The following PLXNA4 variants were observed in gnomAD, a reference collection of about 807,000 sequenced individuals.
PLXNA4 encodes plexin-A4.
Under a neutral mutation model 191.8 loss-of-function variants are expected in PLXNA4, and 44 were observed. That is an observed-to-expected ratio of 0.23 (90% CI 0.18 to 0.29). The LOEUF (loss-of-function observed/expected upper bound fraction) is 0.29. Ranked by LOEUF, PLXNA4 falls within the 10% of genes least tolerant of loss-of-function variation. The pLI is 1.00. For missense variants in PLXNA4, 1,800 were observed against 2,488.8 expected, an observed-to-expected ratio of 0.72 and a Z score of 5.89; for synonymous variants, 1,082 against 1,009.5, an observed-to-expected ratio of 1.07 and a Z score of -1.36.
At chr7:132,307,663 C>G (rs190413424) in intron 3 of PLXNA4, among the ~76,000 whole-genome samples, 25 of 152,214 alleles carry the variant, frequency 1.6e-4, no homozygotes, top group Admixed American at 7.2e-4. Flanking sequence ...TGCCCTGTTT[C>G]GCCAGCAGGG....
chr7:132,418,276 C>G (rs1231855715), intron 3 of PLXNA4, among the ~76,000 whole-genome samples: 6 of 152,216 alleles, frequency 3.9e-5, no homozygotes. Context: ...ATCCCTCCCC[C>G]AAGTTTCTCC....
chr7:132,365,367 G>A lies in PLXNA4; in HGVS notation c.1372-67145C>T, dbSNP rs60681661. Among the ~76,000 whole-genome samples, 322 of 151,918 alleles carry A rather than the reference G, an allele frequency of 2.1e-3. 1 individual carries two copies. The highest frequency in any genetic ancestry group is 7.5e-3 in the African/African-American group (310 of 41,414). ...TGTGTGTGTGTGTGTGTGTGCGTGC[G>A]CGCGCATGCATGGGGCAAGAGTGTG... On this transcript the variant is annotated intron_variant, in intron 3 of 31. Coordinates refer to ENST00000321063, the MANE Select transcript of PLXNA4 (RefSeq NM_020911.2).
At chr7:132,297,204 G>A (rs1801119253) in intron 4 of PLXNA4, among the ~76,000 whole-genome samples, 1 of 152,122 alleles carries the variant, frequency 6.6e-6, no homozygotes, top group Non-Finnish European at 1.5e-5. Context: ...GGCCGCTGCT[G>A]CCACTCAGAG....
chr7:132,147,279 T>C (rs1381592120), intron 27 of PLXNA4, among the ~76,000 whole-genome samples: 1 of 152,244 alleles, frequency 6.6e-6, no homozygotes, highest in African/African-American at 2.4e-5. Context: ...GCAGGCACTA[T>C]TCTCTGTATT....
intron 22 of PLXNA4, among the ~76,000 whole-genome samples, chr7:132,167,083 C>A (rs1212115337): frequency 6.6e-6 from 1 of 152,190 alleles, no homozygotes; most frequent in African/African-American, 2.4e-5. Context: ...GTGGTCTAGG[C>A]AGAGGGCTGG....
chr7:132,490,693 T>C (rs1246144684), intron 2 of PLXNA4, among the ~76,000 whole-genome samples: 4 of 152,136 alleles, frequency 2.6e-5, no homozygotes, highest in Admixed American at 6.5e-5. Context: ...CCCGAAGTGC[T>C]AGCATTACGG....
chr7:132,322,184 C>CTGTCTTTTTTTTTTTTTTT lies in PLXNA4; in HGVS notation c.1372-23963_1372-23962insAAAAAAAAAAAAAAAGACA, dbSNP rs376377991. ...CTAGAGTTCAATTTCCCTAAAAGGG[C>CTGTCTTTTTTTTTTTTTTT]TTTTTTTTTTTTTTTTTTAACAGAG... On this transcript the variant is annotated intron_variant, in intron 3 of 31. Transcript: ENST00000321063. 9.8e-4 allele frequency among the ~76,000 whole-genome samples: 120 copies of CTGTCTTTTTTTTTTTTTTT among 122,492 alleles called. 4 individuals are homozygous for CTGTCTTTTTTTTTTTTTTT. The highest frequency in any genetic ancestry group is 3.3e-3 in the African/African-American group (109 of 33,330). 80.4% of individuals were successfully genotyped at this position (122,492 alleles called of 152,430 possible). A position where few individuals can be genotyped will look rare whatever the true frequency, so the allele number is the denominator to read the frequency against.
rs896812726 is a variant in PLXNA4, at chr7:132,144,987, G to T, written c.5225+132C>A. The T allele has an allele frequency of 1.7e-5, 23 of 1,335,498 alleles. No individual in the cohort carries two copies. In the African/African-American group the frequency reaches 3.2e-4, roughly 19 times the overall value. The allele number at this position is 1,335,498 out of a possible 1,614,324, so 82.7% of individuals were successfully genotyped here. A position where few individuals can be genotyped will look rare whatever the true frequency, so the allele number is the denominator to read the frequency against. On this transcript the variant is annotated intron_variant, in intron 29 of 31. Coordinates refer to ENST00000321063, the MANE Select transcript of PLXNA4 (RefSeq NM_020911.2). ...ATGGGGAGGACCAGAGAATGTGCCTGCTCAGAGTCCCTGCTGATGAAAACA... is the reference window on the plus strand; with the variant it reads ...ATGGGGAGGACCAGAGAATGTGCCTTCTCAGAGTCCCTGCTGATGAAAACA...
At chr7:132,140,503 AAC>A in intron 30 of PLXNA4, 94 bp downstream of exon 30, 3 of 1,508,660 alleles carry the variant, frequency 2.0e-6, no homozygotes, top group Non-Finnish European at 2.7e-6. Flanking sequence ...CTCATCTGGA[AAC>A]ACAGCTGGTT....
intron 3 of PLXNA4, among the ~76,000 whole-genome samples, chr7:132,310,862 G>T (rs1801701780): frequency 6.6e-6 from 1 of 152,168 alleles, no homozygotes; most frequent in South Asian, 2.1e-4. Context: ...GTGTGAGAGA[G>T]GCTAAGAACA....
intron 31 of PLXNA4, among the ~76,000 whole-genome samples, chr7:132,131,653 GTTAT>G (rs1398136434): frequency 6.6e-6 from 1 of 152,248 alleles, no homozygotes; most frequent in African/African-American, 2.4e-5. Flanking sequence ...TCATAGATGG[GTTAT>G]TTAAACACCA....
chr7:132,604,417 C>A (rs1232172131), intron 2 of PLXNA4, among the ~76,000 whole-genome samples: 1 of 152,188 alleles, frequency 6.6e-6, no homozygotes, highest in Non-Finnish European at 1.5e-5. Context: ...GCTTCTAATT[C>A]ATCTCTGCCC....
At chr7:132,506,750 C>T (rs1798481196) in intron 2 of PLXNA4, among the ~76,000 whole-genome samples, 1 of 152,338 alleles carries the variant, frequency 6.6e-6, no homozygotes, top group South Asian at 2.1e-4. Context: ...GACCCCTAAG[C>T]CAACCCTTCT....
At chr7:132,157,163 G>A (rs948935363) in intron 25 of PLXNA4, among the ~76,000 whole-genome samples, 1 of 152,228 alleles carries the variant, frequency 6.6e-6, no homozygotes, top group African/African-American at 2.4e-5. Context: ...CCTGGAGCTT[G>A]AACATTCATG....
intron 1 of PLXNA4, among the ~76,000 whole-genome samples, chr7:132,572,817 C>G (rs926622540): frequency 6.6e-6 from 1 of 152,132 alleles, no homozygotes; most frequent in Non-Finnish European, 1.5e-5. Context: ...TTTAAAGAGA[C>G]AGTGTCCTGT....
chr7:132,448,837 T>C (rs1796007354), intron 3 of PLXNA4, among the ~76,000 whole-genome samples: 1 of 152,226 alleles, frequency 6.6e-6, no homozygotes, highest in African/African-American at 2.4e-5. Flanking sequence ...CATAGCCCAG[T>C]TCTAGTTGTC....
intron 22 of PLXNA4, among the ~76,000 whole-genome samples, chr7:132,167,338 C>T (rs1160977765): frequency 1.3e-5 from 2 of 152,074 alleles, no homozygotes; most frequent in African/African-American, 4.8e-5. Context: ...GAGTGGTGGA[C>T]TCTGGGCCCA....
At position 132,320,558 on chromosome 7, in the gene PLXNA4, C is replaced by T. The variant is rs116151119; in HGVS notation, c.1372-22336G>A. ...TGGGGAGATACAGTTCAACCTGCAA[C>T]ACCCCACGAACCAAAGATTCTGCTT... On this transcript the variant is annotated intron_variant, in intron 3 of 31. Coordinates refer to ENST00000321063, the MANE Select transcript of PLXNA4 (RefSeq NM_020911.2). 8.8e-3 allele frequency among the ~76,000 whole-genome samples: 1,342 copies of T among 152,340 alleles called. 27 individuals are homozygous for T. The highest frequency in any genetic ancestry group is 0.031 in the African/African-American group (1,292 of 41,570).
At chr7:132,135,771 G>A (rs1204601472) in intron 30 of PLXNA4, among the ~76,000 whole-genome samples, 1 of 152,100 alleles carries the variant, frequency 6.6e-6, no homozygotes, top group Non-Finnish European at 1.5e-5. Context: ...AGAGGTCCTG[G>A]GTGACGTGCC....
Sources: allele counts gnomAD v4.1 joint callset (sites outside exome capture counted in the v4.1 genomes callset), GRCh38; gene constraint gnomAD v4.1.1; transcripts MANE v1.5; gene names NCBI Gene and HGNC (gene_info 2026-07-23, HGNC 2026-07-21).